Variants in SYTL3 observed in about 807,000 individuals in gnomAD.
SYTL3 encodes synaptotagmin-like protein 3.
In SYTL3, 88 loss-of-function variants were observed where a neutral mutation model predicts 82.1. The ratio of observed to expected loss-of-function variants is 1.07; its 90% CI spans 0.90 to 1.28. The LOEUF is 1.28. SYTL3 is among the 50% of genes most tolerant of loss of function. The pLI, the probability that SYTL3 is intolerant of heterozygous loss-of-function variation, is 0.00. For synonymous variants in SYTL3, 311 were observed against 289.4 expected, an observed-to-expected ratio of 1.07 and a Z score of -0.76; for missense variants, 831 against 757.6, an observed-to-expected ratio of 1.10 and a Z score of -1.14.
chr6:158,745,383 C>A, intron 11 of SYTL3, 97 bp from the exon 12 acceptor site: 1 of 1,054,082 alleles, frequency 9.5e-7, no homozygotes, highest in Non-Finnish European at 1.4e-6. Context: ...AGGATACATG[C>A]TGTATGAGTT....
At chr6:158,718,338 A>C in intron 10 of SYTL3, 127 bp downstream of exon 10, 1 of 1,136,860 alleles carries the variant, frequency 8.8e-7, no homozygotes, top group Non-Finnish European at 1.2e-6. Flanking sequence ...GCCATCAGAA[A>C]AACATAATTA....
chr6:158,749,941 T>C (rs1788183367), intron 12 of SYTL3, among the ~76,000 whole-genome samples: 1 of 152,192 alleles, frequency 6.6e-6, no homozygotes, highest in Non-Finnish European at 1.5e-5. Context: ...CACTCCTGGT[T>C]ATATGCCAAG....
intron 6 of SYTL3, among the ~76,000 whole-genome samples, chr6:158,702,998 CAAA>C (rs1781497115): frequency 6.6e-6 from 1 of 151,574 alleles, no homozygotes. Flanking sequence ...ACTAAAAATA[CAAA>C]AAATTAGCCA....
upstream of SYTL3, among the ~76,000 whole-genome samples, chr6:158,645,930 C>T (rs769801373): frequency 6.6e-6 from 1 of 152,188 alleles, no homozygotes; most frequent in Non-Finnish European, 1.5e-5. Flanking sequence ...CCGACCTCCT[C>T]ATCCTCCACC....
chr6:158,715,636 C>G (rs1364967359), intron 9 of SYTL3, among the ~76,000 whole-genome samples: 2 of 112,926 alleles, frequency 1.8e-5, no homozygotes, highest in Non-Finnish European at 3.5e-5. Flanking sequence ...CAGCACCCCC[C>G]ATACCCCCCC....
At chr6:158,654,492 A>C (rs1268482301) in intron 2 of SYTL3, among the ~76,000 whole-genome samples, 1 of 152,110 alleles carries the variant, frequency 6.6e-6, no homozygotes, top group Non-Finnish European at 1.5e-5. Flanking sequence ...AGTTTTCCCC[A>C]TGGCTGCCCG....
At chr6:158,759,758 T>A (rs925966787) in intron 14 of SYTL3, among the ~76,000 whole-genome samples, 1 of 152,126 alleles carries the variant, frequency 6.6e-6, no homozygotes, top group African/African-American at 2.4e-5. Flanking sequence ...GGTCTCGAAC[T>A]CCTGACCTCA....
chr6:158,646,834 C>T (rs1260411166), upstream of SYTL3, among the ~76,000 whole-genome samples: 3 of 152,162 alleles, frequency 2.0e-5, no homozygotes, highest in East Asian at 3.8e-4. Context: ...CTTTGCCTGC[C>T]TGCCCTTCTC....
intron 11 of SYTL3, among the ~76,000 whole-genome samples, chr6:158,737,973 C>T (rs1461083039): frequency 6.6e-6 from 1 of 152,198 alleles, no homozygotes; most frequent in Non-Finnish European, 1.5e-5. Flanking sequence ...CTGCCTTGAC[C>T]TTCGTTTATC....
chr6:158,699,893 G>A lies in SYTL3; in HGVS notation c.395-7337G>A, dbSNP rs76532122. 7.1e-3 allele frequency among the ~76,000 whole-genome samples: 1,084 copies of A among 152,164 alleles called. 7 individuals are homozygous for A. Among genetic ancestry groups the A allele is most frequent in the African/African-American group, 0.024 (1,005 of 41,520 alleles). On this transcript the variant is annotated intron_variant, in intron 6 of 17. Coordinates refer to ENST00000611299, the MANE Select transcript of SYTL3 (RefSeq NM_001242394.2). Reference sequence around the variant, plus strand: ...ACCAGGGGCGCGAAGGTTGTGGTGAGCTGGGTTTGGGCCACTGCACTCCAG... The same window carrying A: ...ACCAGGGGCGCGAAGGTTGTGGTGAACTGGGTTTGGGCCACTGCACTCCAG...
intron 11 of SYTL3, among the ~76,000 whole-genome samples, chr6:158,737,792 G>A (rs749265585): frequency 6.6e-6 from 1 of 152,208 alleles, no homozygotes; most frequent in Non-Finnish European, 1.5e-5. Context: ...GGATGGACGT[G>A]CTCTGCTCTC....
Position 158,718,116 on chromosome 6 carries a change from T to G in SYTL3, c.625T>G (p.Ser209Ala), listed in dbSNP as rs1490068347. 1.9e-6 allele frequency: 3 copies of G among 1,543,756 alleles called. No individual in the cohort carries two copies. Among genetic ancestry groups the G allele is most frequent in the Non-Finnish European group, 2.6e-6 (3 of 1,143,002 alleles). ...CTCCAAATCCCAGAATGATATGACTTCTGAGAAGCATCTTCTCGCCACGGG... is the reference window on the plus strand; with the variant it reads ...CTCCAAATCCCAGAATGATATGACTGCTGAGAAGCATCTTCTCGCCACGGG... The part of the protein sequence containing the change: ...KLSKSQNDMT[S>A]EKHLLATGPR... Residue 209 changes from serine (S) to alanine (A), a missense_variant, in exon 10 of 18, where the codon TCT becomes GCT. Transcript: ENST00000611299.
In SYTL3 at chr6:158,733,256, ATAT is replaced by A. The variant is rs543832784; in HGVS notation, c.855+7625_855+7627del. Among the ~76,000 whole-genome samples the A allele has an allele frequency of 2.6e-3, 395 of 152,256 alleles. 1 individual carries two copies. Among genetic ancestry groups the A allele is most frequent in the Non-Finnish European group, 4.4e-3 (300 of 68,012 alleles). The stretch of plus-strand genomic sequence containing the variant: ...GCCTATGCCCCTTCCTTATTTGGAA[ATAT>A]TATTACTTTTCTAAGTCCTTTCACA... On this transcript the variant is annotated intron_variant, in intron 11 of 17. Coordinates refer to ENST00000611299, the MANE Select transcript of SYTL3 (RefSeq NM_001242394.2).
intron 5 of SYTL3, among the ~76,000 whole-genome samples, chr6:158,673,647 G>T (rs371249387): frequency 2.5e-4 from 37 of 150,680 alleles, no homozygotes; most frequent in African/African-American, 8.3e-4. Flanking sequence ...CACCATGTTA[G>T]CCAGGATGGT....
Position 158,685,938 on chromosome 6 carries a change from A to T in SYTL3, c.394+2949A>T, listed in dbSNP as rs149631337. 1.2e-3 allele frequency among the ~76,000 whole-genome samples: 177 copies of T among 152,338 alleles called. 1 individual carries two copies. The highest frequency in any genetic ancestry group is 4.0e-3 in the African/African-American group (165 of 41,586). Reference sequence around the variant, plus strand: ...AGCTTATAAACAGTAGTGCTGTAGGAGGTGAAGTTTGTCATTTCTCAATGC... The same window carrying T: ...AGCTTATAAACAGTAGTGCTGTAGGTGGTGAAGTTTGTCATTTCTCAATGC... On this transcript the variant is annotated intron_variant, in intron 6 of 17. Coordinates refer to ENST00000611299, the MANE Select transcript of SYTL3 (RefSeq NM_001242394.2).
intron 6 of SYTL3, among the ~76,000 whole-genome samples, chr6:158,701,146 A>G (rs1781175559): frequency 7.1e-6 from 1 of 141,436 alleles, no homozygotes; most frequent in Non-Finnish European, 1.5e-5. Context: ...AGGGTCATGG[A>G]GGAGGTGAGC....
chr6:158,686,329 G>T (rs1199100789), intron 6 of SYTL3, among the ~76,000 whole-genome samples: 1 of 152,154 alleles, frequency 6.6e-6, no homozygotes, highest in African/African-American at 2.4e-5. Context: ...TTCTATCAAT[G>T]TATAAAATAA....
intron 8 of SYTL3, 65 bp downstream of exon 8, chr6:158,708,456 G>A (rs1782367490): frequency 1.3e-6 from 2 of 1,491,964 alleles, no homozygotes; most frequent in South Asian, 1.1e-5. Flanking sequence ...GGAAGCAGGG[G>A]AGCTTTCGAG....
chr6:158,679,090 C>T (rs949924369), intron 5 of SYTL3, among the ~76,000 whole-genome samples: 6 of 152,094 alleles, frequency 3.9e-5, no homozygotes, highest in African/African-American at 1.4e-4. Flanking sequence ...TGGGATTAGG[C>T]CGGGTGTGGT....
Sources: gnomAD v4.1 joint callset for allele counts (sites outside exome capture counted in the v4.1 genomes callset) on GRCh38, gnomAD v4.1.1 for gene constraint, MANE v1.5 for transcripts, NCBI Gene and HGNC (gene_info 2026-07-23, HGNC 2026-07-21) for gene names.